NRG3: variants seen among roughly 807,000 people sequenced by gnomAD.
NRG3 encodes the protein neuregulin 3, also known as pro-neuregulin-3, membrane-bound isoform.
In NRG3, 31 loss-of-function variants were observed where a neutral mutation model predicts 66.9. The observed-to-expected ratio is 0.46, with a 90% confidence interval of 0.35 to 0.63. NRG3 has a LOEUF of 0.63. NRG3 is among the 20% of genes least tolerant of loss of function. The pLI, the probability that NRG3 is intolerant of heterozygous loss-of-function variation, is 0.00. For missense variants in NRG3, 910 were observed against 878.9 expected (o/e 1.04, Z -0.45); for synonymous variants, 393 against 359.4 (o/e 1.09, Z -1.06).
intron 4 of NRG3, among the ~76,000 whole-genome samples, chr10:82,882,302 A>T (rs1842370492): frequency 6.6e-6 from 1 of 152,208 alleles, no homozygotes; most frequent in Non-Finnish European, 1.5e-5. Flanking sequence ...ATCTCATTCC[A>T]GTCTCAGCTG....
At chr10:82,524,131 C>T (rs180872066) in intron 2 of NRG3, among the ~76,000 whole-genome samples, 140 of 152,072 alleles carry the variant, frequency 9.2e-4, no homozygotes, top group African/African-American at 3.3e-3. Context: ...CAAGAGGCAC[C>T]TTTGTGATTA....
At chr10:82,912,249 C>G (rs183048323) in intron 4 of NRG3, among the ~76,000 whole-genome samples, 1 of 152,268 alleles carries the variant, frequency 6.6e-6, no homozygotes, top group Non-Finnish European at 1.5e-5. Flanking sequence ...TAGAAGGGTT[C>G]AAGTCTTTAA....
At chr10:82,183,882 G>A (rs555549475) in intron 1 of NRG3, among the ~76,000 whole-genome samples, 26 of 152,078 alleles carry the variant, frequency 1.7e-4, no homozygotes, top group African/African-American at 2.9e-4. Context: ...TATCTCCTCC[G>A]CAAGATCATC....
chr10:82,346,243 A>G (rs1199440371), intron 1 of NRG3, among the ~76,000 whole-genome samples: 4 of 150,548 alleles, frequency 2.7e-5, no homozygotes, highest in African/African-American at 7.5e-5. Context: ...CGTCCCATCA[A>G]TATCTAATTT....
chr10:82,532,673 A>G (rs1048502118), intron 2 of NRG3, among the ~76,000 whole-genome samples: 5 of 150,054 alleles, frequency 3.3e-5, no homozygotes, highest in Admixed American at 2.7e-4. Context: ...CATTTTTTTA[A>G]TCTATGAAAA....
At chr10:81,880,494 G>A (rs1842083303) in intron 1 of NRG3, among the ~76,000 whole-genome samples, 1 of 152,182 alleles carries the variant, frequency 6.6e-6, no homozygotes, top group African/African-American at 2.4e-5. Context: ...GAGTGTTGGT[G>A]CAGTTTGAAA....
intron 2 of NRG3, among the ~76,000 whole-genome samples, chr10:82,512,491 G>T (rs978446024): frequency 1.3e-4 from 19 of 151,958 alleles, no homozygotes; most frequent in Admixed American, 3.3e-4. Context: ...TCACCATGTT[G>T]GCCAAACTGG....
chr10:82,146,264 T>G (rs921712970), intron 1 of NRG3, among the ~76,000 whole-genome samples: 1 of 152,226 alleles, frequency 6.6e-6, no homozygotes, highest in African/African-American at 2.4e-5. Flanking sequence ...TTAGATTGTT[T>G]ATAGAGAATT....
intron 1 of NRG3, among the ~76,000 whole-genome samples, chr10:81,941,896 G>GA (rs1471920998): frequency 2.6e-5 from 4 of 152,092 alleles, no homozygotes; most frequent in East Asian, 1.9e-4. Flanking sequence ...GCATTTCCCT[G>GA]GAAAAATAAG....
intron 2 of NRG3, among the ~76,000 whole-genome samples, chr10:82,624,902 AATATATATATATATTTTATAT>A (rs1565139926): frequency 1.4e-5 from 2 of 145,912 alleles, no homozygotes; most frequent in African/African-American, 5.0e-5. Flanking sequence ...GATAAATATA[AATATATATATATATTTTATAT>A]ATATATATAT....
intron 2 of NRG3, among the ~76,000 whole-genome samples, chr10:82,390,661 A>G (rs538377314): frequency 1.4e-4 from 21 of 152,314 alleles, no homozygotes; most frequent in Admixed American, 9.8e-4. Context: ...CCTAGAGGTT[A>G]GCTAGCTAGC....
chr10:82,027,386 A>G (rs1318531233), intron 1 of NRG3, among the ~76,000 whole-genome samples: 2 of 152,050 alleles, frequency 1.3e-5, no homozygotes, highest in Admixed American at 6.6e-5. Flanking sequence ...TACATGGCCT[A>G]CTTTAGACCC....
intron 3 of NRG3, among the ~76,000 whole-genome samples, chr10:82,846,172 A>C (rs2063299982): frequency 6.6e-6 from 1 of 152,114 alleles, no homozygotes; most frequent in Non-Finnish European, 1.5e-5. Context: ...AGCAGATACC[A>C]CTATACTCTG....
At chr10:82,298,837 T>C (rs1272831018) in intron 1 of NRG3, among the ~76,000 whole-genome samples, 1 of 152,172 alleles carries the variant, frequency 6.6e-6, no homozygotes, top group East Asian at 1.9e-4. Flanking sequence ...ACTCCAGTTT[T>C]AGGATGTTTT....
At chr10:81,898,075 G>T (rs932007678) in intron 1 of NRG3, among the ~76,000 whole-genome samples, 8 of 152,166 alleles carry the variant, frequency 5.3e-5, no homozygotes, top group Admixed American at 3.9e-4. Context: ...TGTGGCCAGG[G>T]TTGTGGGCAG....
At chr10:82,497,667 C>T (rs1843740667) in intron 2 of NRG3, among the ~76,000 whole-genome samples, 1 of 151,968 alleles carries the variant, frequency 6.6e-6, no homozygotes, top group African/African-American at 2.4e-5. Flanking sequence ...GGATCATTTC[C>T]ATATCTTGGT....
intron 1 of NRG3, among the ~76,000 whole-genome samples, chr10:82,104,112 T>G (rs926657562): frequency 6.6e-6 from 1 of 152,188 alleles, no homozygotes; most frequent in Non-Finnish European, 1.5e-5. Context: ...TTGACTTTTG[T>G]CTCTCATTTG....
chr10:82,600,019 G>A (rs1410396959), intron 2 of NRG3, among the ~76,000 whole-genome samples: 6 of 152,034 alleles, frequency 3.9e-5, no homozygotes, highest in Non-Finnish European at 8.8e-5. Flanking sequence ...TAAAAAAATA[G>A]TGATATTCAG....
intron 2 of NRG3, among the ~76,000 whole-genome samples, chr10:82,461,004 C>T (rs966863215): frequency 4.6e-5 from 7 of 152,126 alleles, no homozygotes; most frequent in Non-Finnish European, 8.8e-5. Context: ...CTGGCTTACA[C>T]CACCACTGCC....
Sources: allele counts gnomAD v4.1 joint callset (sites outside exome capture counted in the v4.1 genomes callset), GRCh38; gene constraint gnomAD v4.1.1; transcripts MANE v1.5; gene names NCBI Gene and HGNC (gene_info 2026-07-23, HGNC 2026-07-21).